The following GRIK2 variants were observed in gnomAD, a reference collection of about 807,000 sequenced individuals.
The protein encoded by GRIK2 is glutamate ionotropic receptor kainate type subunit 2.
GRIK2 carries 32 observed loss-of-function variants against 100.3 expected under a neutral mutation model. The observed-to-expected ratio is 0.32, with a 90% CI of 0.24 to 0.43. GRIK2 has a LOEUF of 0.43. GRIK2 is among the 20% of genes least tolerant of loss of function. GRIK2 has a pLI of 1.00. For missense variants in GRIK2, 843 were observed against 1,114.9 expected (o/e 0.76, Z 3.47); for synonymous variants, 417 against 389.4 (o/e 1.07, Z -0.83).
chr6:101,744,011 C>T (rs1182245115), intron 7 of GRIK2, among the ~76,000 whole-genome samples: 2 of 151,864 alleles, frequency 1.3e-5, no homozygotes, highest in Non-Finnish European at 2.9e-5. Context: ...GGCATGATCT[C>T]GGCTCACTGA....
intron 10 of GRIK2, among the ~76,000 whole-genome samples, chr6:101,827,768 C>T (rs1782433156): frequency 6.6e-6 from 1 of 151,910 alleles, no homozygotes; most frequent in Non-Finnish European, 1.5e-5. Context: ...AATATTGGAG[C>T]TCCCACGTTC....
In GRIK2 at chr6:101,859,341, C is replaced by A. The variant is rs1271066576; in HGVS notation, c.1372C>A (p.Arg458=). 1 of 1,604,250 alleles carries A rather than the reference C, an allele frequency of 6.2e-7. No individual in the cohort carries two copies. Among genetic ancestry groups the A allele is most frequent in the Non-Finnish European group, 8.5e-7 (1 of 1,171,486 alleles). The part of the protein sequence containing the change: ...KSDKPLYGND[R]FEGYCIDLLR... The stretch of plus-strand genomic sequence containing the variant: ...TGACAAACCTCTCTATGGTAATGAT[C>A]GATTTGAAGGCTATTGCATTGATCT... The change falls in exon 11 of 17, where the codon CGA becomes AGA. Residue 458 remains arginine, a synonymous_variant. Coordinates refer to ENST00000369134, the MANE Select transcript of GRIK2 (RefSeq NM_021956.5).
intron 7 of GRIK2, among the ~76,000 whole-genome samples, chr6:101,740,615 C>A (rs751455116): frequency 2.6e-5 from 4 of 152,066 alleles, no homozygotes; most frequent in Non-Finnish European, 5.9e-5. Flanking sequence ...TAAAGGAATA[C>A]CTTAGGCTAG....
At chr6:102,016,955 G>A (rs1440324463) in intron 14 of GRIK2, among the ~76,000 whole-genome samples, 1 of 152,120 alleles carries the variant, frequency 6.6e-6, no homozygotes, top group Non-Finnish European at 1.5e-5. Context: ...AGCCAGAAGA[G>A]ATTGGGGCCT....
intron 14 of GRIK2, among the ~76,000 whole-genome samples, chr6:101,963,509 C>CTTTTTTTTTT (rs770178884): frequency 7.7e-4 from 82 of 106,088 alleles, no homozygotes; most frequent in African/African-American, 1.5e-3. Flanking sequence ...TTCTTTCTTT[C>CTTTTTTTTTT]TTTTTTTTTT....
At chr6:101,625,880 G>T (rs1199606901) in intron 3 of GRIK2, among the ~76,000 whole-genome samples, 2 of 152,152 alleles carry the variant, frequency 1.3e-5, no homozygotes, top group African/African-American at 4.8e-5. Flanking sequence ...GTTTTGTGTG[G>T]CTGAGTGTTC....
At chr6:101,826,611 C>A (rs1782348405) in intron 10 of GRIK2, among the ~76,000 whole-genome samples, 1 of 151,900 alleles carries the variant, frequency 6.6e-6, no homozygotes, top group African/African-American at 2.4e-5. Flanking sequence ...CCCATCAAAC[C>A]TTTTACTGGA....
intron 15 of GRIK2, among the ~76,000 whole-genome samples, chr6:102,048,639 C>T (rs1054744186): frequency 6.6e-6 from 1 of 151,988 alleles, no homozygotes; most frequent in Non-Finnish European, 1.5e-5. Context: ...CAAATTAAAA[C>T]CACAGTGACA....
Position 101,621,985 on chromosome 6 carries a change from G to C in GRIK2, c.152G>C (p.Gly51Ala), listed in dbSNP as rs754066974. ...GAATATGTGGAATCTGGCCCAATGG[G>C]AGCTGAGGAACTTGCATTCAGATTT... ...IFEYVESGPM[G>A]AEELAFRFAV... The change falls in exon 3 of 17, where the codon GGA becomes GCA. Residue 51 changes from glycine (G) to alanine (A), a missense_variant. Gly to Ala is a moderately conservative substitution (Grantham distance 60). Transcript: ENST00000369134. 1 of 1,610,452 alleles carries C rather than the reference G, an allele frequency of 6.2e-7. No homozygotes were observed. The highest frequency in any genetic ancestry group is 8.5e-7 in the Non-Finnish European group (1 of 1,176,900).
At chr6:101,760,695 T>TATATATAATTATATATA (rs1777575347) in intron 7 of GRIK2, among the ~76,000 whole-genome samples, 2 of 80,014 alleles carry the variant, frequency 2.5e-5, no homozygotes, top group African/African-American at 1.2e-4. Context: ...TATATATAAT[T>TATATATAATTATATATA]ATATATAATT....
intron 10 of GRIK2, among the ~76,000 whole-genome samples, chr6:101,824,181 G>A (rs766264319): frequency 1.3e-5 from 2 of 151,966 alleles, no homozygotes; most frequent in African/African-American, 2.4e-5. Context: ...CACCATGCCC[G>A]GCCATGAGTT....
rs1028069738 is a variant in GRIK2, at chr6:101,537,374, A to G, written c.116-84575A>G. On this transcript the variant is annotated intron_variant, in intron 2 of 16. Coordinates refer to ENST00000369134, the MANE Select transcript of GRIK2 (RefSeq NM_021956.5). ...AAGCCAGTAGATGGAAAACTAATCAACATTTTAATAAGTTGTTTTATGTAC... is the reference window on the plus strand; with the variant it reads ...AAGCCAGTAGATGGAAAACTAATCAGCATTTTAATAAGTTGTTTTATGTAC... Among the ~76,000 whole-genome samples, 4 of 151,688 alleles carry G rather than the reference A, an allele frequency of 2.6e-5. No individual in the cohort carries two copies. In the Admixed American group the frequency reaches 2.6e-4, roughly 10 times the overall value.
intron 2 of GRIK2, among the ~76,000 whole-genome samples, chr6:101,539,417 T>C (rs962004653): frequency 2.2e-4 from 33 of 151,796 alleles, no homozygotes; most frequent in Non-Finnish European, 3.7e-4. Flanking sequence ...ATCTGAATAC[T>C]TGAAGGCTTT....
In GRIK2 at chr6:102,055,573, T is replaced by G; in HGVS notation, c.2555T>G (p.Leu852Trp). 1.9e-6 allele frequency: 3 copies of G among 1,605,566 alleles called. No individual in the cohort carries two copies. The highest frequency in any genetic ancestry group is 2.6e-6 in the Non-Finnish European group (3 of 1,172,654). ...FLYKSKKNAQ[L>W]EKRSFCSAMV... ...TACAAATCCAAAAAAAACGCTCAAT[T>G]GGAAAAGGTAAATGTTACTTGTTTC... Residue 852 changes from leucine to tryptophan, a missense_variant, in exon 16 of 17, where the codon TTG (leucine) becomes TGG (tryptophan). Coordinates refer to ENST00000369134, the MANE Select transcript of GRIK2 (RefSeq NM_021956.5).
chr6:101,856,115 T>C lies in GRIK2; in HGVS notation c.1318-3172T>C, dbSNP rs77968345. 8.0e-3 allele frequency among the ~76,000 whole-genome samples: 1,214 copies of C among 152,294 alleles called. 21 individuals are homozygous for C. Among genetic ancestry groups the C allele is most frequent in the African/African-American group, 0.028 (1,149 of 41,570 alleles). On this transcript the variant is annotated intron_variant, in intron 10 of 16. Coordinates refer to ENST00000369134, the MANE Select transcript of GRIK2 (RefSeq NM_021956.5). ...CCCATGGCAATGATGTTGAATGTTA[T>C]TCTAAACACATTGGGAATCTATGTG...
chr6:101,761,394 T>A (rs931939437), intron 7 of GRIK2, among the ~76,000 whole-genome samples: 3 of 152,096 alleles, frequency 2.0e-5, no homozygotes, highest in African/African-American at 7.2e-5. Flanking sequence ...TAATACAGGT[T>A]CCCCTAAAGG....
intron 14 of GRIK2, among the ~76,000 whole-genome samples, chr6:101,949,024 A>T (rs1054037661): frequency 6.6e-6 from 1 of 152,122 alleles, no homozygotes; most frequent in Non-Finnish European, 1.5e-5. Flanking sequence ...CACTTAAAAT[A>T]ATTGCTTATT....
At chr6:101,591,768 G>A (rs2128306816) in intron 2 of GRIK2, among the ~76,000 whole-genome samples, 1 of 151,992 alleles carries the variant, frequency 6.6e-6, no homozygotes, top group East Asian at 1.9e-4. Flanking sequence ...TTAAGGTTTA[G>A]CTAAGAGTTT....
chr6:101,426,240 T>C (rs1182450733), intron 2 of GRIK2, among the ~76,000 whole-genome samples: 1 of 152,216 alleles, frequency 6.6e-6, no homozygotes, highest in Admixed American at 6.5e-5. Context: ...GCATTAGCTG[T>C]GTGACCTGTG....
Sources: allele counts gnomAD v4.1 joint callset (sites outside exome capture counted in the v4.1 genomes callset), GRCh38; gene constraint gnomAD v4.1.1; transcripts MANE v1.5; gene names NCBI Gene and HGNC (gene_info 2026-07-23, HGNC 2026-07-21).